Variants in DPP7 observed in about 807,000 individuals in gnomAD.
DPP7 encodes the protein dipeptidyl peptidase 2.
Under a neutral mutation model 58.8 loss-of-function variants are expected in DPP7, and 74 were observed. The observed-to-expected ratio is 1.26, with a 90% CI of 1.04 to 1.53. The LOEUF is 1.53. Ranked by LOEUF, DPP7 falls within the 40% of genes most tolerant of loss-of-function variation. DPP7 has a pLI of 0.00. For missense variants in DPP7, 807 were observed against 692.3 expected (o/e 1.17, Z -1.86); for synonymous variants, 350 against 303.6 (o/e 1.15, Z -1.59).
At position 137,110,802 on chromosome 9, in the gene DPP7, G is replaced by A; in HGVS notation, c.1344-19C>T. The A allele has an allele frequency of 1.9e-6, 3 of 1,602,608 alleles. No individual in the cohort carries two copies. Among genetic ancestry groups the A allele is most frequent in the Non-Finnish European group, 2.5e-6 (3 of 1,178,692 alleles). The stretch of plus-strand genomic sequence containing the variant: ...GGAGGCTCTGGGGAGCGGGCACAGA[G>A]GGGGCCCGTCAGCCCCAGCCCTCGG... On this transcript the variant is annotated intron_variant, in intron 12 of 12. Coordinates refer to ENST00000371579, the MANE Select transcript of DPP7 (RefSeq NM_013379.3).
chr9:137,117,188 C>T (rs1040655546), upstream of DPP7, among the ~76,000 whole-genome samples: 7 of 152,316 alleles, frequency 4.6e-5, no homozygotes, highest in East Asian at 5.8e-4. Flanking sequence ...TCCCACCTGA[C>T]GAGAAACACC....
upstream of DPP7, among the ~76,000 whole-genome samples, chr9:137,115,867 G>A (rs1460205870): frequency 2.6e-5 from 4 of 152,164 alleles, no homozygotes; most frequent in East Asian, 3.9e-4. Context: ...GCTGCCTGCC[G>A]GGGCCCCCGC....
chr9:137,112,848 C>A, intron 7 of DPP7, 43 bp from the exon 8 acceptor site: 1 of 1,602,956 alleles, frequency 6.2e-7, no homozygotes, highest in Non-Finnish European at 8.5e-7. Context: ...GTCCCCTCCA[C>A]CAGCTCCGCC....
chr9:137,113,507 G>C lies in DPP7; in HGVS notation c.486-11C>G, dbSNP rs772924500. 6.5e-7 allele frequency: 1 copy of C among 1,547,924 alleles called. No individual in the cohort carries two copies. The highest frequency in any genetic ancestry group is 1.2e-5 in the South Asian group (1 of 82,460). ...AGCATCCCCCCATAACTGGGTGAGG[G>C]ACACAGGGTTAGGGCTGCTGCCCCC... On this transcript the variant is annotated splice_polypyrimidine_tract_variant and intron_variant, in intron 4 of 12. Transcript: ENST00000371579.
At chr9:137,116,591 A>G (rs1270664224), upstream of DPP7, among the ~76,000 whole-genome samples, 2 of 152,264 alleles carry the variant, frequency 1.3e-5, no homozygotes, top group East Asian at 3.8e-4. Context: ...GGTATTGTCC[A>G]GGTTTCCCCC....
At chr9:137,112,263 A>C (rs1564321848) in intron 8 of DPP7, 33 bp from the exon 9 acceptor site, 1 of 1,544,574 alleles carries the variant, frequency 6.5e-7, no homozygotes, top group Non-Finnish European at 8.8e-7. Flanking sequence ...CCCAGCGGCC[A>C]CACACAGACA....
intron 3 of DPP7, 99 bp downstream of exon 3, chr9:137,114,132 CCCCCGCCCGCGA>C (rs1299215977): frequency 1.3e-5 from 2 of 148,396 alleles, no homozygotes; most frequent in Non-Finnish European, 2.5e-5. Context: ...TGCCCCGCGA[CCCCCGCCCGCGA>C]CCCCGCCCGG....
chr9:137,114,780 C>T (rs555024647), upstream of DPP7: 2 of 1,171,870 alleles, frequency 1.7e-6, no homozygotes, highest in Non-Finnish European at 2.1e-6. Flanking sequence ...CTCCTCCCTC[C>T]AGGCCCCACG....
intron 4 of DPP7, 36 bp downstream of exon 4, chr9:137,113,829 G>C: frequency 7.0e-7 from 1 of 1,436,044 alleles, no homozygotes; most frequent in South Asian, 1.3e-5. Flanking sequence ...CGGGGCAGGG[G>C]AGGGAGGGGG....
At position 137,111,722 on chromosome 9, in the gene DPP7, T is replaced by C. The variant is rs1288277989; in HGVS notation, c.1240A>G (p.Asn414Asp). Residue 414 changes from asparagine (N) to aspartate (D), a missense_variant, in exon 11 of 13, where the codon AAC (asparagine) becomes GAC (aspartate). Around this residue, in one of 3 missense-constraint regions of DPP7, gnomAD observed 624 missense variants for 531.2 expected, o/e 1.17. Transcript: ENST00000371579. ...CCTGCCCAGGGGTCCAGGTTCCCGT[T>C]GGAGAAGATGATGTTGCTGGCGGCT... The part of the protein sequence containing the change: ...LRAASNIIFS[N>D]GNLDPWAGGG... The C allele has an allele frequency of 1.2e-6, 2 of 1,613,426 alleles. No homozygotes were observed. The highest frequency in any genetic ancestry group is 1.1e-5 in the South Asian group (1 of 91,068).
At chr9:137,113,587 C>A (rs772550225) in intron 4 of DPP7, 91 bp from the exon 5 acceptor site, 3 of 1,465,508 alleles carry the variant, frequency 2.0e-6, no homozygotes, top group Non-Finnish European at 2.7e-6. Context: ...ACAAGGAGGA[C>A]GACACTTCTG....
upstream of DPP7, among the ~76,000 whole-genome samples, chr9:137,116,934 CG>C (rs1314350282): frequency 3.3e-5 from 5 of 152,226 alleles, no homozygotes; most frequent in Non-Finnish European, 7.3e-5. Flanking sequence ...CGTGCACATC[CG>C]GGCACAGCAC....
intron 11 of DPP7, among the ~76,000 whole-genome samples, 180 bp from the exon 12 acceptor site, chr9:137,111,130 G>A (rs1317352202): frequency 1.3e-5 from 2 of 152,232 alleles, no homozygotes; most frequent in Admixed American, 6.5e-5. Flanking sequence ...AAAACCGGGT[G>A]AGACAGGAGC....
At chr9:137,117,555 T>C (rs1209861951), upstream of DPP7, among the ~76,000 whole-genome samples, 6 of 152,032 alleles carry the variant, frequency 3.9e-5, no homozygotes, top group African/African-American at 1.2e-4. Context: ...CTCCAGACCA[T>C]CTAGGCAGCT....
upstream of DPP7, chr9:137,115,074 C>A: frequency 4.8e-6 from 1 of 207,248 alleles, no homozygotes; most frequent in Non-Finnish European, 9.5e-6. Context: ...AAGGCAGGGC[C>A]GGGAGAGTGG....
upstream of DPP7, among the ~76,000 whole-genome samples, chr9:137,115,869 G>A (rs1193316956): frequency 2.6e-5 from 4 of 152,174 alleles, no homozygotes; most frequent in East Asian, 1.9e-4. Flanking sequence ...TGCCTGCCGG[G>A]GCCCCCGCAG....
At chr9:137,115,561 CAG>C (rs1433591235), upstream of DPP7, among the ~76,000 whole-genome samples, 4 of 152,172 alleles carry the variant, frequency 2.6e-5, no homozygotes, top group South Asian at 2.1e-4. Flanking sequence ...GGCTCAGCTA[CAG>C]AGAGTTACCC....
rs1831422559 is a variant in DPP7, at chr9:137,112,535, C to T, written c.931+210G>A. On this transcript the variant is annotated intron_variant, in intron 8 of 12. Coordinates refer to ENST00000371579, the MANE Select transcript of DPP7 (RefSeq NM_013379.3). Reference sequence around the variant, plus strand: ...TTGGGCAGCACCCACCAAGCTGGGCCTGGCTACAGCCAGTGCTGAGAGGGT... The same window carrying T: ...TTGGGCAGCACCCACCAAGCTGGGCTTGGCTACAGCCAGTGCTGAGAGGGT... 8.7e-6 allele frequency: 6 copies of T among 692,260 alleles called. No homozygotes were observed. The Admixed American group carries it at 1.8e-4, about 20-fold the overall frequency. 42.9% of individuals were successfully genotyped at this position (692,260 alleles called of 1,614,324 possible). A position where few individuals can be genotyped will look rare whatever the true frequency, so the allele number is the denominator to read the frequency against.
rs765147199 is a variant in DPP7 at position 137,113,006 on chromosome 9, C to T, written c.817G>A (p.Asp273Asn). 3.1e-6 allele frequency: 5 copies of T among 1,613,630 alleles called. No homozygotes were observed. Among genetic ancestry groups the T allele is most frequent in the Non-Finnish European group, 4.2e-6 (5 of 1,180,022 alleles). The change falls in exon 7 of 13, where the codon GAC becomes AAC. Residue 273 changes from aspartate (D) to asparagine (N), a missense_variant. By Grantham distance (23) the Asp-to-Asn change is conservative (BLOSUM62 1). Around this residue, in one of 3 missense-constraint regions of DPP7, gnomAD observed 624 missense variants for 531.2 expected, o/e 1.17. Transcript: ENST00000371579. ...AGGAAGTCAGTGGGGTAGGGGTAGTCCATCATGGCCAGCACGGTGAAGGCA... is the reference window on the plus strand; with the variant it reads ...AGGAAGTCAGTGGGGTAGGGGTAGTTCATCATGGCCAGCACGGTGAAGGCA... ...RNAFTVLAMM[D>N]YPYPTDFLGP...
Sources: allele counts gnomAD v4.1 joint callset (sites outside exome capture counted in the v4.1 genomes callset), GRCh38; gene constraint gnomAD v4.1.1; regional missense constraint gnomAD v4.1.1; transcripts MANE v1.5; gene names NCBI Gene and HGNC (gene_info 2026-07-23, HGNC 2026-07-21).